The following SPEF2 variants were observed in gnomAD, a reference collection of about 807,000 sequenced individuals.
SPEF2 encodes the protein sperm flagellar and cilia associated 2, also known as sperm flagella and cilia-associated protein 2.
Under a neutral mutation model 224.6 loss-of-function variants are expected in SPEF2, and 187 were observed. The observed-to-expected ratio is 0.83, with a 90% CI of 0.74 to 0.94. The LOEUF (loss-of-function observed/expected upper bound fraction) is 0.94. SPEF2 is among the 40% of genes least tolerant of loss of function. The pLI, the probability that SPEF2 is intolerant of heterozygous loss-of-function variation, is 0.00. For missense variants in SPEF2, 2,170 were observed against 2,135.6 expected (o/e 1.02, Z -0.32); for synonymous variants, 715 against 707.3 (o/e 1.01, Z -0.17).
intron 19 of SPEF2, among the ~76,000 whole-genome samples, chr5:35,712,246 T>C (rs528409157): frequency 3.9e-4 from 59 of 151,982 alleles, no homozygotes; most frequent in African/African-American, 1.4e-3. Context: ...TATTTTATTT[T>C]ATTATTTTAT....
intron 23 of SPEF2, 77 bp from the exon 24 acceptor site, chr5:35,753,547 G>T (rs1750004158): frequency 6.3e-7 from 1 of 1,592,360 alleles, no homozygotes; most frequent in Non-Finnish European, 8.6e-7. Flanking sequence ...AGAGGCAAAG[G>T]ATTTTAGTTT....
At chr5:35,628,171 A>C (rs550369881) in intron 1 of SPEF2, among the ~76,000 whole-genome samples, 1 of 152,134 alleles carries the variant, frequency 6.6e-6, no homozygotes, top group East Asian at 1.9e-4. Flanking sequence ...GTTATTTATA[A>C]ATTTTTTGGT....
chr5:35,765,927 C>T (rs1374855651), intron 26 of SPEF2, among the ~76,000 whole-genome samples: 6 of 152,108 alleles, frequency 3.9e-5, no homozygotes, highest in African/African-American at 1.4e-4. Flanking sequence ...TGAAAAATCA[C>T]ATTGACCAAT....
chr5:35,727,548 C>G, intron 20 of SPEF2, 127 bp from the exon 21 acceptor site: 1 of 721,770 alleles, frequency 1.4e-6, no homozygotes, highest in Non-Finnish European at 2.2e-6. Flanking sequence ...TGTAAGACTC[C>G]TCAAAAAAGC....
intron 6 of SPEF2, among the ~76,000 whole-genome samples, chr5:35,654,166 A>G (rs1299644390): frequency 6.6e-6 from 1 of 151,880 alleles, no homozygotes; most frequent in Non-Finnish European, 1.5e-5. Context: ...AGGCTGAGGC[A>G]GGAGAATCAC....
At position 35,814,338 on chromosome 5, in the gene SPEF2, A is replaced by T; in HGVS notation, c.5380-126A>T. 8 of 470,792 alleles carry T rather than the reference A, an allele frequency of 1.7e-5. 1 individual carries two copies. The highest frequency in any genetic ancestry group is 2.9e-5 in the Non-Finnish European group (8 of 277,076). 29.2% of individuals were successfully genotyped at this position (470,792 alleles called of 1,614,324 possible). The stretch of plus-strand genomic sequence containing the variant: ...TAAATGGAGAAATTTGCTCAGTGGA[A>T]AAAAAGAAATAAAAACTGTTTAATG... On this transcript the variant is annotated intron_variant, in intron 36 of 36. Transcript: ENST00000356031.
intron 23 of SPEF2, among the ~76,000 whole-genome samples, chr5:35,746,012 C>T (rs1748471461): frequency 6.6e-6 from 1 of 152,192 alleles, no homozygotes; most frequent in Admixed American, 6.5e-5. Flanking sequence ...GTGCAGACAA[C>T]CCCCAGTACC....
At chr5:35,795,590 T>C in intron 32 of SPEF2, 113 bp from the exon 33 acceptor site, 3 of 781,092 alleles carry the variant, frequency 3.8e-6, no homozygotes, top group Non-Finnish European at 6.1e-6. Flanking sequence ...TTCTGCATCC[T>C]ACTTGGGAGA....
intron 1 of SPEF2, among the ~76,000 whole-genome samples, chr5:35,622,408 C>T (rs968396453): frequency 1.3e-5 from 2 of 152,068 alleles, no homozygotes; most frequent in Admixed American, 6.6e-5. Flanking sequence ...TAGTTCATAA[C>T]GTATTGTGGT....
intron 10 of SPEF2, among the ~76,000 whole-genome samples, chr5:35,674,745 G>C (rs1037772519): frequency 6.6e-6 from 1 of 152,048 alleles, no homozygotes; most frequent in African/African-American, 2.4e-5. Context: ...CAAAGGCCTA[G>C]CCTCCAAGTA....
intron 26 of SPEF2, among the ~76,000 whole-genome samples, chr5:35,771,186 G>A (rs1356809531): frequency 6.6e-6 from 1 of 152,052 alleles, no homozygotes; most frequent in East Asian, 1.9e-4. Context: ...TAGGGGATCA[G>A]TTATCAAAAA....
intron 27 of SPEF2, among the ~76,000 whole-genome samples, chr5:35,772,285 G>C (rs1273178713): frequency 6.6e-6 from 1 of 152,156 alleles, no homozygotes; most frequent in Non-Finnish European, 1.5e-5. Flanking sequence ...CCCCTCTGAA[G>C]TGGAATCCTG....
chr5:35,667,859 A>C (rs929896566), intron 9 of SPEF2, among the ~76,000 whole-genome samples: 16 of 152,200 alleles, frequency 1.1e-4, no homozygotes, highest in African/African-American at 3.9e-4. Flanking sequence ...AAAGATATGA[A>C]AAGACATTTC....
intron 21 of SPEF2, among the ~76,000 whole-genome samples, chr5:35,732,288 C>T (rs1482375094): frequency 1.3e-5 from 2 of 152,038 alleles, no homozygotes; most frequent in Non-Finnish European, 1.5e-5. Flanking sequence ...TCAGTTCGAC[C>T]CATTCTTAGG....
chr5:35,751,044 T>C lies in SPEF2; in HGVS notation c.3331-2580T>C, dbSNP rs13161555. ...ATATACGTATATATATACACATATGTATATATATATACGTATATATATGTA... is the reference window on the plus strand; with the variant it reads ...ATATACGTATATATATACACATATGCATATATATATACGTATATATATGTA... On this transcript the variant is annotated intron_variant, in intron 23 of 36. Transcript: ENST00000356031. 1.1e-3 allele frequency among the ~76,000 whole-genome samples: 72 copies of C among 66,282 alleles called. 1 individual carries two copies. Among genetic ancestry groups the C allele is most frequent in the African/African-American group, 3.1e-3 (55 of 17,804 alleles). 43.5% of individuals were successfully genotyped at this position (66,282 alleles called of 152,430 possible).
At chr5:35,668,099 G>A (rs909841019) in intron 9 of SPEF2, among the ~76,000 whole-genome samples, 12 of 152,040 alleles carry the variant, frequency 7.9e-5, no homozygotes, top group Non-Finnish European at 4.4e-5. Context: ...AAACAGTTTG[G>A]CAATTTCTTA....
intron 21 of SPEF2, among the ~76,000 whole-genome samples, chr5:35,728,841 C>T (rs1414567552): frequency 6.6e-6 from 1 of 151,798 alleles, no homozygotes; most frequent in Non-Finnish European, 1.5e-5. Flanking sequence ...CCTCACTCAG[C>T]CAAACAGAAG....
At chr5:35,700,437 G>C (rs1266084719) in intron 15 of SPEF2, 59 bp from the exon 16 acceptor site, 35 of 1,452,650 alleles carry the variant, frequency 2.4e-5, no homozygotes, top group Non-Finnish European at 3.2e-5. Context: ...ATTCATCATA[G>C]TATTTCCAAA....
intron 23 of SPEF2, among the ~76,000 whole-genome samples, chr5:35,740,896 C>G (rs959994284): frequency 2.6e-5 from 4 of 152,110 alleles, no homozygotes; most frequent in Non-Finnish European, 5.9e-5. Flanking sequence ...TTGACACACC[C>G]CCCCTTATCC....
Sources: gnomAD v4.1 joint callset for allele counts (sites outside exome capture counted in the v4.1 genomes callset) on GRCh38, gnomAD v4.1.1 for gene constraint, MANE v1.5 for transcripts, NCBI Gene and HGNC (gene_info 2026-07-23, HGNC 2026-07-21) for gene names.